HOMER2: variants seen among roughly 807,000 people sequenced by gnomAD.
HOMER2 encodes the protein homer protein homolog 2.
In HOMER2, 27 loss-of-function variants were observed where a neutral mutation model predicts 47.0. That is an observed-to-expected ratio of 0.57 (90% CI 0.42 to 0.79). The LOEUF (loss-of-function observed/expected upper bound fraction) is 0.79, where lower values mean the gene tolerates loss of function less well. Among genes scored for constraint, HOMER2 ranks in the 30% least tolerant of loss-of-function variants. HOMER2 has a pLI of 0.00. For missense variants in HOMER2, 443 were observed against 435.0 expected (o/e 1.02, Z -0.16); for synonymous variants, 161 against 163.8 (o/e 0.98, Z 0.13).
At chr15:82,841,622 G>A (rs1318082104) in exon 2 of HOMER2, 1 of 152,154 alleles carries the variant, frequency 6.6e-6, no homozygotes, top group Non-Finnish European at 1.5e-5. Context: ...TCAATGTGAT[G>A]AGTTGAGAAA....
intron 4 of HOMER2, among the ~76,000 whole-genome samples, chr15:82,859,353 A>G (rs541911062): frequency 6.6e-6 from 1 of 152,268 alleles, no homozygotes; most frequent in Admixed American, 6.5e-5. Flanking sequence ...AAAACCTAAC[A>G]AAGACTATCA....
At chr15:82,919,640 A>G (rs1177450023) in intron 1 of HOMER2, among the ~76,000 whole-genome samples, 2 of 152,246 alleles carry the variant, frequency 1.3e-5, no homozygotes, top group South Asian at 4.1e-4. Flanking sequence ...CAAGTCAATA[A>G]ATTAACACAA....
chr15:82,837,025 G>A (rs1359651986), exon 2 of HOMER2: 2 of 152,294 alleles, frequency 1.3e-5, no homozygotes, highest in Non-Finnish European at 2.9e-5. Context: ...AAATCAAGGT[G>A]TTGACAGGGC....
At chr15:82,927,036 C>T (rs1400195756) in intron 1 of HOMER2, among the ~76,000 whole-genome samples, 2 of 152,150 alleles carry the variant, frequency 1.3e-5, no homozygotes, top group South Asian at 2.1e-4. Flanking sequence ...ACTCCTATGA[C>T]CTAATCACCC....
chr15:82,939,193 G>C (rs1450040224), intron 1 of HOMER2, among the ~76,000 whole-genome samples: 4 of 152,246 alleles, frequency 2.6e-5, no homozygotes, highest in African/African-American at 9.6e-5. Context: ...CAAAAGAACT[G>C]CATCTCCTCT....
intron 1 of HOMER2, among the ~76,000 whole-genome samples, chr15:82,947,958 T>C (rs1469576354): frequency 1.3e-5 from 2 of 152,146 alleles, no homozygotes; most frequent in Admixed American, 6.5e-5. Context: ...CATGCTGTGG[T>C]GAGCAATTAT....
At chr15:82,859,304 G>T (rs79398314) in intron 4 of HOMER2, 169 bp from the exon 5 acceptor site, 140 of 627,894 alleles carry the variant, frequency 2.2e-4, no homozygotes, top group Middle Eastern at 4.4e-4. Context: ...ACAAGTTTTT[G>T]TTTTTTTTTT....
At chr15:82,952,486 C>T in intron 1 of HOMER2, 45 bp downstream of exon 1, 2 of 1,168,630 alleles carry the variant, frequency 1.7e-6, no homozygotes, top group Non-Finnish European at 1.1e-6. Context: ...CCCCGCAGTC[C>T]CTCCGGAGGG....
rs149024722 is a variant in HOMER2 at position 82,893,693 on chromosome 15, T to C, written c.6-852A>G. Reference sequence around the variant, plus strand: ...AGGCTGGAGCGTAGTGATGCAATCATAGCTCACTGCAGCCTGGATCTCTGA... The same window carrying C: ...AGGCTGGAGCGTAGTGATGCAATCACAGCTCACTGCAGCCTGGATCTCTGA... On this transcript the variant is annotated intron_variant, in intron 1 of 8. Transcript: ENST00000450735. Among the ~76,000 whole-genome samples, 788 of 150,414 alleles carry C rather than the reference T, an allele frequency of 5.2e-3. 11 individuals carry two copies. The highest frequency in any genetic ancestry group is 0.018 in the African/African-American group (741 of 40,790).
intron 3 of HOMER2, among the ~76,000 whole-genome samples, chr15:82,868,537 A>ATATATATATATATATG (rs1408672217): frequency 1.6e-5 from 1 of 60,860 alleles, no homozygotes; most frequent in Non-Finnish European, 3.5e-5. Flanking sequence ...ATATATATAT[A>ATATATATATATATATG]TATATTTTTT....
rs199500075 is a variant in HOMER2, at chr15:82,920,411, T to A, written c.6-27570A>T. Among the ~76,000 whole-genome samples the A allele has an allele frequency of 3.9e-5, 6 of 152,250 alleles. No individual in the cohort carries two copies. In the East Asian group the frequency reaches 9.6e-4, roughly 24 times the overall value. On this transcript the variant is annotated intron_variant, in intron 1 of 8. Transcript: ENST00000450735. The stretch of plus-strand genomic sequence containing the variant: ...TTCTCACAGCTCTGGAGGGCAGAAA[T>A]CCGCAGTCAGTTGACTGGGCTGAAA...
chr15:82,892,239 C>G (rs2052733610), intron 2 of HOMER2, among the ~76,000 whole-genome samples: 1 of 152,144 alleles, frequency 6.6e-6, no homozygotes, highest in Non-Finnish European at 1.5e-5. Flanking sequence ...ACGAACCCTT[C>G]TGGAAAACAA....
At chr15:82,891,808 A>C (rs888648986) in intron 2 of HOMER2, among the ~76,000 whole-genome samples, 10 of 152,268 alleles carry the variant, frequency 6.6e-5, no homozygotes, top group African/African-American at 2.4e-4. Context: ...GACAAACTTA[A>C]AGAAGGACTC....
intron 1 of HOMER2, among the ~76,000 whole-genome samples, chr15:82,983,060 C>T (rs1425777269): frequency 1.3e-5 from 2 of 152,156 alleles, no homozygotes; most frequent in East Asian, 3.8e-4. Flanking sequence ...CCTAATCTAC[C>T]AAACATCATA....
At chr15:82,878,731 G>A (rs1220080073) in intron 2 of HOMER2, among the ~76,000 whole-genome samples, 1 of 152,136 alleles carries the variant, frequency 6.6e-6, no homozygotes, top group Non-Finnish European at 1.5e-5. Context: ...GGGCTAAAGT[G>A]ATCCTCCCGT....
chr15:82,935,221 C>T (rs184188695), intron 1 of HOMER2, among the ~76,000 whole-genome samples: 1 of 152,312 alleles, frequency 6.6e-6, no homozygotes, highest in African/African-American at 2.4e-5. Context: ...AAAATGTGGT[C>T]CACATAACCC....
chr15:82,880,928 G>GT (rs2052502522), intron 2 of HOMER2, among the ~76,000 whole-genome samples: 1 of 152,224 alleles, frequency 6.6e-6, no homozygotes, highest in Admixed American at 6.5e-5. Flanking sequence ...GGAGCCAAGG[G>GT]TGAGTGTGTG....
At chr15:82,855,884 C>T (rs2051569539) in intron 5 of HOMER2, among the ~76,000 whole-genome samples, 2 of 152,206 alleles carry the variant, frequency 1.3e-5, no homozygotes, top group South Asian at 4.1e-4. Context: ...CCTTCAATTT[C>T]CTTGCTAGGA....
At chr15:82,848,137 G>GCT (rs1175837636), downstream of HOMER2, among the ~76,000 whole-genome samples, 1 of 152,146 alleles carries the variant, frequency 6.6e-6, no homozygotes, top group Non-Finnish European at 1.5e-5. Flanking sequence ...CCAGCTCAGA[G>GCT]AGGCGTCTCC....
Sources: allele counts gnomAD v4.1 joint callset (sites outside exome capture counted in the v4.1 genomes callset), GRCh38; gene constraint gnomAD v4.1.1; transcripts MANE v1.5; gene names NCBI Gene and HGNC (gene_info 2026-07-23, HGNC 2026-07-21).